EGFL6: variants seen among roughly 807,000 people sequenced by gnomAD.
EGFL6 encodes the protein EGF like domain multiple 6.
A neutral mutation model predicts 43.1 loss-of-function variants in EGFL6; 42 were observed. The ratio of observed to expected loss-of-function variants is 0.98; its 90% confidence interval spans 0.76 to 1.26. EGFL6 has a LOEUF of 1.26. EGFL6 is among the 50% of genes most tolerant of loss of function. The probability of loss-of-function intolerance (pLI) is 0.00; values close to 1 mark genes in which losing one functional copy is unlikely to be tolerated. For missense variants in EGFL6, 429 were observed against 427.8 expected, an observed-to-expected ratio of 1.00 and a Z score of -0.02; for synonymous variants, 164 against 163.2, an observed-to-expected ratio of 1.01 and a Z score of -0.04.
chrX:13,601,471 T>A (rs1236961214), intron 4 of EGFL6, among the ~76,000 whole-genome samples: 1 of 111,675 alleles, frequency 9.0e-6, no homozygotes, highest in African/African-American at 3.3e-5. Flanking sequence ...TCTCCATCTT[T>A]CTTTCCTCTG....
In EGFL6 at chrX:13,569,709, C is replaced by A; in HGVS notation, c.-153C>A. The A allele has an allele frequency of 1.8e-6, 1 of 557,487 alleles. No individual in the cohort carries two copies. The highest frequency in any genetic ancestry group is 3.5e-5 in the Admixed American group (1 of 28,970). The allele number at this position is 557,487 out of a possible 1,213,427, so 45.9% of individuals were successfully genotyped here. A position where few individuals can be genotyped will look rare whatever the true frequency, so the allele number is the denominator to read the frequency against. On this transcript the variant is annotated 5_prime_UTR_variant, in exon 1 of 12. Coordinates refer to ENST00000361306, the MANE Select transcript of EGFL6 (RefSeq NM_015507.4). The stretch of plus-strand genomic sequence containing the variant: ...CCCCTGCCGCGGTGCCTGGCCTCCC[C>A]TCCCAGACTGCAGGGACAGCACCCG...
At position 13,633,431 on chromosome X, in the gene EGFL6, AGAAAT is replaced by A. The variant is rs939945769; in HGVS notation, c.*338_*342del. 7.2e-6 allele frequency: 1 copy of A among 138,873 alleles called. No individual in the cohort carries two copies. Among genetic ancestry groups the A allele is most frequent in the African/African-American group, 3.2e-5 (1 of 31,660 alleles). The allele number at this position is 138,873 out of a possible 1,213,427, so 11.4% of individuals were successfully genotyped here. ...CTAGAAAATAGAAAAAAAAGCACAGAGAAATGTTTAACTGTTTGACTCTTATGATA... is the reference window on the plus strand; with the variant it reads ...CTAGAAAATAGAAAAAAAAGCACAGAGTTTAACTGTTTGACTCTTATGATA... On this transcript the variant is annotated 3_prime_UTR_variant, in exon 12 of 12. Transcript: ENST00000361306.
rs368064289 is a variant in EGFL6, at chrX:13,617,686, A to C, written c.779-44A>C. ...AAATGCTCCATTTTGTGAGTAATTT[A>C]ATTATCTTCCAATTTGGAACATATT... On this transcript the variant is annotated intron_variant, in intron 7 of 11. Coordinates refer to ENST00000361306, the MANE Select transcript of EGFL6 (RefSeq NM_015507.4). 141 of 1,073,031 alleles carry C rather than the reference A, an allele frequency of 1.3e-4. No individual in the cohort carries two copies. In the African/African-American group the frequency reaches 2.3e-3, roughly 18 times the overall value. 88.4% of individuals were successfully genotyped at this position (1,073,031 alleles called of 1,213,427 possible). A position where few individuals can be genotyped will look rare whatever the true frequency, so the allele number is the denominator to read the frequency against.
At chrX:13,623,130 A>G (rs1355458884) in intron 9 of EGFL6, among the ~76,000 whole-genome samples, 1 of 110,226 alleles carries the variant, frequency 9.1e-6, no homozygotes, top group Admixed American at 9.7e-5. Context: ...TAGAGGCTGT[A>G]GTGAGCTGTG....
chrX:13,587,121 G>T (rs746706679), intron 1 of EGFL6, among the ~76,000 whole-genome samples: 18 of 112,094 alleles, frequency 1.6e-4, no homozygotes, highest in Non-Finnish European at 1.7e-4. Context: ...TATTTTTGGG[G>T]TGATGGAAAT....
chrX:13,594,239 T>G (rs1461281946), intron 2 of EGFL6, among the ~76,000 whole-genome samples: 1 of 112,223 alleles, frequency 8.9e-6, no homozygotes, highest in Non-Finnish European at 1.9e-5. Context: ...CCTACCACTT[T>G]ATTCATTGAA....
At chrX:13,590,159 T>C (rs1009544382) in intron 2 of EGFL6, 2 of 113,066 alleles carry the variant, frequency 1.8e-5, no homozygotes, top group African/African-American at 6.4e-5. Flanking sequence ...AAGGTACATA[T>C]GCATATATGC....
At chrX:13,575,523 T>C (rs752253975) in intron 1 of EGFL6, among the ~76,000 whole-genome samples, 5 of 112,116 alleles carry the variant, frequency 4.5e-5, no homozygotes, top group African/African-American at 1.6e-4. Context: ...AAACCAACCC[T>C]ACCAACACCT....
chrX:13,595,967 G>A (rs556559773), intron 3 of EGFL6, among the ~76,000 whole-genome samples: 17 of 110,806 alleles, frequency 1.5e-4, no homozygotes, highest in Middle Eastern at 4.7e-3. Flanking sequence ...CCATCCTCCC[G>A]CCTTGCCCTC....
At chrX:13,618,355 G>A (rs2045731079) in intron 8 of EGFL6, among the ~76,000 whole-genome samples, 1 of 112,731 alleles carries the variant, frequency 8.9e-6, no homozygotes, top group East Asian at 2.8e-4. Flanking sequence ...TGCAAGGGCA[G>A]TGGTTTGGCT....
intron 9 of EGFL6, among the ~76,000 whole-genome samples, chrX:13,620,735 A>G: frequency 9.0e-6 from 1 of 111,555 alleles, no homozygotes; most frequent in Non-Finnish European, 1.9e-5. Flanking sequence ...TACAGGGGGT[A>G]AGCTACGTTC....
chrX:13,595,904 T>C (rs2045594710), intron 3 of EGFL6, among the ~76,000 whole-genome samples: 1 of 110,094 alleles, frequency 9.1e-6, no homozygotes. Flanking sequence ...AGTTTTTGTA[T>C]AGACGAGGTC....
intron 7 of EGFL6, among the ~76,000 whole-genome samples, chrX:13,611,481 G>A (rs1420762524): frequency 8.9e-6 from 1 of 112,130 alleles, no homozygotes; most frequent in African/African-American, 3.2e-5. Context: ...CCTACCCCTA[G>A]AGGGGAATCG....
At chrX:13,573,160 C>A (rs189998265) in intron 1 of EGFL6, among the ~76,000 whole-genome samples, 1 of 111,981 alleles carries the variant, frequency 8.9e-6, no homozygotes, top group Non-Finnish European at 1.9e-5. Context: ...TGGAAAGTCC[C>A]TTTTGATATA....
At chrX:13,613,283 C>T (rs964606521) in intron 7 of EGFL6, among the ~76,000 whole-genome samples, 3 of 108,768 alleles carry the variant, frequency 2.8e-5, no homozygotes, top group Non-Finnish European at 5.7e-5. Flanking sequence ...TATCCTAACC[C>T]ATTCTCTGTA....
chrX:13,600,280 C>CTTTTT (rs1231725425), intron 4 of EGFL6, among the ~76,000 whole-genome samples, 186 bp downstream of exon 4: 40 of 44,266 alleles, frequency 9.0e-4, no homozygotes, highest in Non-Finnish European at 1.2e-3. Context: ...TTTCTTTCTT[C>CTTTTT]TTTTTTTTTT....
intron 11 of EGFL6, among the ~76,000 whole-genome samples, chrX:13,630,309 A>G (rs2045803869): frequency 8.9e-6 from 1 of 111,869 alleles, no homozygotes; most frequent in African/African-American, 3.3e-5. Flanking sequence ...GAGGAGGTAA[A>G]AATATAGTGA....
intron 7 of EGFL6, among the ~76,000 whole-genome samples, chrX:13,615,395 T>A (rs1226416771): frequency 8.9e-6 from 1 of 112,489 alleles, no homozygotes; most frequent in Non-Finnish European, 1.9e-5. Context: ...TTTAGTTTTA[T>A]GTTACTGATT....
At chrX:13,578,727 A>G (rs1176117600) in intron 1 of EGFL6, among the ~76,000 whole-genome samples, 2 of 109,594 alleles carry the variant, frequency 1.8e-5, no homozygotes, top group Non-Finnish European at 3.8e-5. Flanking sequence ...GGAATTGAAC[A>G]ATGAGAACAC....
Sources: gnomAD v4.1 joint callset for allele counts (sites outside exome capture counted in the v4.1 genomes callset) on GRCh38, gnomAD v4.1.1 for gene constraint, MANE v1.5 for transcripts, NCBI Gene and HGNC (gene_info 2026-07-23, HGNC 2026-07-21) for gene names.